The following FBXL20 variants were observed in gnomAD, a reference collection of about 807,000 sequenced individuals.
The protein encoded by FBXL20 is F-box and leucine rich repeat protein 20.
Under a neutral mutation model 64.0 loss-of-function variants are expected in FBXL20, and 11 were observed. The ratio of observed to expected loss-of-function variants is 0.17; its 90% confidence interval spans 0.11 to 0.28. The LOEUF is 0.28. Ranked by LOEUF, FBXL20 falls within the 10% of genes least tolerant of loss-of-function variation. The pLI is 1.00. For synonymous variants in FBXL20, 184 were observed against 189.0 expected (o/e 0.97, Z 0.22); for missense variants, 303 against 526.2 (o/e 0.58, Z 4.15).
At chr17:39,329,559 T>A (rs2047441084) in intron 2 of FBXL20, among the ~76,000 whole-genome samples, 1 of 152,220 alleles carries the variant, frequency 6.6e-6, no homozygotes, top group Non-Finnish European at 1.5e-5. Context: ...TCACTTTGAT[T>A]ACTGTACTGT....
upstream of FBXL20, chr17:39,402,209 G>T: frequency 2.4e-6 from 3 of 1,232,148 alleles, no homozygotes; most frequent in Non-Finnish European, 3.0e-6. Flanking sequence ...GGCGGTCCCT[G>T]CTCGGAGCCA....
chr17:39,390,693 T>C (rs772105234), intron 1 of FBXL20, among the ~76,000 whole-genome samples: 15 of 152,066 alleles, frequency 9.9e-5, no homozygotes, highest in Non-Finnish European at 1.9e-4. Context: ...CACCACTGCA[T>C]TCCAACCTGG....
At chr17:39,325,602 G>T (rs2047401513) in intron 2 of FBXL20, among the ~76,000 whole-genome samples, 1 of 152,126 alleles carries the variant, frequency 6.6e-6, no homozygotes, top group Non-Finnish European at 1.5e-5. Context: ...TTTAGAAAAT[G>T]GATAGAAACC....
At chr17:39,332,466 G>A (rs1046067046) in intron 2 of FBXL20, among the ~76,000 whole-genome samples, 7 of 151,806 alleles carry the variant, frequency 4.6e-5, no homozygotes, top group Admixed American at 1.3e-4. Flanking sequence ...AAGGACCCTC[G>A]GAAGCTTACT....
At chr17:39,388,545 G>A (rs919444537) in intron 1 of FBXL20, among the ~76,000 whole-genome samples, 8 of 149,838 alleles carry the variant, frequency 5.3e-5, no homozygotes, top group Admixed American at 2.7e-4. Context: ...GTGCAATGGC[G>A]TAATCTCAGC....
At chr17:39,374,069 A>T (rs1431292397) in intron 1 of FBXL20, among the ~76,000 whole-genome samples, 4 of 151,744 alleles carry the variant, frequency 2.6e-5, no homozygotes, top group Non-Finnish European at 4.4e-5. Context: ...TAAAAATACA[A>T]AAATTAGCCA....
At position 39,257,588 on chromosome 17, in the gene FBXL20, G is replaced by A. The variant is rs1366490642; in HGVS notation, c.*3872C>T. 1 of 152,230 alleles carries A rather than the reference G, an allele frequency of 6.6e-6. No individual in the cohort carries two copies. The highest frequency in any genetic ancestry group is 1.9e-4 in the East Asian group (1 of 5,198). 9.4% of individuals were successfully genotyped at this position (152,230 alleles called of 1,614,324 possible). A position where few individuals can be genotyped will look rare whatever the true frequency, so the allele number is the denominator to read the frequency against. ...TCCAAATATTGGAAAAAGGGCTAAG[G>A]CCATATCCCTTTCTTCCTCATATCC... On this transcript the variant is annotated 3_prime_UTR_variant, in exon 15 of 15. Transcript: ENST00000264658.
upstream of FBXL20, chr17:39,402,248 T>C (rs976473871): frequency 3.3e-6 from 4 of 1,198,346 alleles, no homozygotes; most frequent in African/African-American, 3.8e-5. Context: ...TGTGTCTAGA[T>C]TGGGGCAGTG....
intron 1 of FBXL20, among the ~76,000 whole-genome samples, chr17:39,396,895 T>G (rs1171628331): frequency 1.3e-5 from 2 of 150,070 alleles, no homozygotes; most frequent in African/African-American, 2.5e-5. Flanking sequence ...AGGCGGAGTT[T>G]GCAGTGAGCT....
intron 1 of FBXL20, among the ~76,000 whole-genome samples, chr17:39,374,595 C>T (rs1447243558): frequency 4.6e-5 from 7 of 151,936 alleles, no homozygotes; most frequent in Non-Finnish European, 8.8e-5. Flanking sequence ...TTTTATTTTT[C>T]CTTGCTATAA....
intron 9 of FBXL20, among the ~76,000 whole-genome samples, chr17:39,280,641 G>C (rs2046941587): frequency 6.6e-6 from 1 of 151,270 alleles, no homozygotes; most frequent in Admixed American, 6.6e-5. Context: ...AATAGTTTCA[G>C]CAAATTATCT....
At chr17:39,305,515 G>A (rs2047173889) in intron 2 of FBXL20, among the ~76,000 whole-genome samples, 1 of 151,974 alleles carries the variant, frequency 6.6e-6, no homozygotes, top group African/African-American at 2.4e-5. Context: ...GACCAGCCTG[G>A]GCAACACAGT....
Position 39,291,456 on chromosome 17 carries a change from T to C in FBXL20, c.398+5671A>G, listed in dbSNP as rs1193870225. Reference sequence around the variant, plus strand: ...CTTTTTTTTTTTTTTTTTTTTGAGATGGAGTCTCATTCTGTCACCCAGGGT... The same window carrying C: ...CTTTTTTTTTTTTTTTTTTTTGAGACGGAGTCTCATTCTGTCACCCAGGGT... On this transcript the variant is annotated intron_variant, in intron 6 of 14. Transcript: ENST00000264658. Among the ~76,000 whole-genome samples the C allele has an allele frequency of 4.3e-5, 6 of 138,990 alleles. No homozygotes were observed. The East Asian group carries it at 1.0e-3, about 24-fold the overall frequency. The allele number at this position is 138,990 out of a possible 152,430, so 91.2% of individuals were successfully genotyped here.
chr17:39,290,712 C>T (rs1037940634), intron 6 of FBXL20, among the ~76,000 whole-genome samples: 6 of 151,898 alleles, frequency 4.0e-5, no homozygotes, highest in Admixed American at 2.6e-4. Flanking sequence ...CACAGGTGTG[C>T]GCCACCATGC....
chr17:39,348,251 A>G (rs1007668350), intron 1 of FBXL20, among the ~76,000 whole-genome samples: 1 of 152,130 alleles, frequency 6.6e-6, no homozygotes, highest in Non-Finnish European at 1.5e-5. Context: ...TCACGAGGTC[A>G]AGAGATGGAG....
At chr17:39,270,639 T>C (rs1005763006) in intron 11 of FBXL20, among the ~76,000 whole-genome samples, 157 bp downstream of exon 11, 1 of 152,190 alleles carries the variant, frequency 6.6e-6, no homozygotes, top group African/African-American at 2.4e-5. Flanking sequence ...TGTATTCTTA[T>C]TGATATCAGT....
At chr17:39,399,620 C>T (rs936599816) in intron 1 of FBXL20, among the ~76,000 whole-genome samples, 1 of 152,088 alleles carries the variant, frequency 6.6e-6, no homozygotes, top group East Asian at 1.9e-4. Context: ...GGACTCCCCA[C>T]CTTATTCTTT....
intron 9 of FBXL20, among the ~76,000 whole-genome samples, chr17:39,278,891 T>C (rs542583484): frequency 2.1e-4 from 32 of 151,354 alleles, no homozygotes; most frequent in African/African-American, 3.6e-4. Context: ...CAGTGGCTCA[T>C]GCCTGTAATC....
In FBXL20 at chr17:39,253,906, C is replaced by T. The variant is rs972255429; in HGVS notation, c.*7554G>A. The T allele has an allele frequency of 2.0e-5, 3 of 152,040 alleles. No homozygotes were observed. In the South Asian group the frequency reaches 6.2e-4, roughly 32 times the overall value. The allele number at this position is 152,040 out of a possible 1,614,324, so 9.4% of individuals were successfully genotyped here. ...AAGATTTTCTAAGACCTTAGGTTTT[C>T]ATTCTCTAGTGCCATAAAAAAGGAA... On this transcript the variant is annotated 3_prime_UTR_variant, in exon 15 of 15. Coordinates refer to ENST00000264658, the MANE Select transcript of FBXL20 (RefSeq NM_032875.3).
Sources: allele counts gnomAD v4.1 joint callset (sites outside exome capture counted in the v4.1 genomes callset), GRCh38; gene constraint gnomAD v4.1.1; transcripts MANE v1.5; gene names NCBI Gene and HGNC (gene_info 2026-07-23, HGNC 2026-07-21).